The following MED14 variants were observed in gnomAD, a reference collection of about 807,000 sequenced individuals.
The protein encoded by MED14 is mediator complex subunit 14, also known as mediator of RNA polymerase II transcription subunit 14.
MED14 carries 8 observed loss-of-function variants against 109.0 expected under a neutral mutation model. That is an observed-to-expected ratio of 0.07 (90% confidence interval 0.04 to 0.13). The LOEUF is 0.13. MED14 is among the 10% of genes least tolerant of loss of function. The pLI, the probability that MED14 is intolerant of heterozygous loss-of-function variation, is 1.00. For synonymous variants in MED14, 399 were observed against 408.7 expected (o/e 0.98, Z 0.29); for missense variants, 711 against 1,142.4 (o/e 0.62, Z 5.44).
intron 16 of MED14, among the ~76,000 whole-genome samples, chrX:40,685,324 T>C (rs997189780): frequency 7.1e-5 from 8 of 111,943 alleles, no homozygotes; most frequent in African/African-American, 2.6e-4. Flanking sequence ...AACCCCACTA[T>C]GGCCCTGCAG....
chrX:40,675,260 A>G lies in MED14; in HGVS notation c.2982T>C (p.Asp994=). 3 of 1,193,949 alleles carry G rather than the reference A, an allele frequency of 2.5e-6. No homozygotes were observed. Among genetic ancestry groups the G allele is most frequent in the Non-Finnish European group, 3.4e-6 (3 of 887,782 alleles). Residue 994 remains aspartate, a synonymous_variant, in exon 22 of 31, where the codon GAT becomes GAC. Transcript: ENST00000324817. ...GTGGCTGGAGCTGCGATATTAAAGAATCCATCATATCTCCTCCTATAGGAG... is the reference window on the plus strand; with the variant it reads ...GTGGCTGGAGCTGCGATATTAAAGAGTCCATCATATCTCCTCCTATAGGAG... The part of the protein sequence containing the change: ...PPSPIGGDMM[D]SLISQLQPPP...
At chrX:40,690,564 G>A (rs184795823) in intron 15 of MED14, among the ~76,000 whole-genome samples, 25 of 111,090 alleles carry the variant, frequency 2.3e-4, no homozygotes, top group African/African-American at 7.5e-4. Flanking sequence ...ACAGGCGCCC[G>A]CTACCATGCC....
chrX:40,686,866 T>C (rs1204282122), intron 16 of MED14, among the ~76,000 whole-genome samples: 1 of 112,158 alleles, frequency 8.9e-6, no homozygotes, highest in African/African-American at 3.2e-5. Context: ...TTAGATGGTA[T>C]TCTGGCTTTG....
rs371780994 is a variant in MED14 at position 40,666,684 on chromosome X, C to T, written c.3265+36G>A. On this transcript the variant is annotated intron_variant, in intron 24 of 30. Transcript: ENST00000324817. ...CAACAAAAATTATTTTCACATCAAG[C>T]TCTTATGCTATATCGATTTCCATGT... is the stretch of plus-strand genomic sequence containing the variant. 3.3e-6 allele frequency: 4 copies of T among 1,194,531 alleles called. No homozygotes were observed. The African/African-American group carries it at 5.3e-5, about 16-fold the overall frequency.
At chrX:40,704,074 T>C (rs1931047225) in intron 10 of MED14, among the ~76,000 whole-genome samples, 3 of 112,092 alleles carry the variant, frequency 2.7e-5, no homozygotes, top group Admixed American at 9.5e-5. Context: ...ATAAATATTA[T>C]TGATTACCCA....
chrX:40,735,623 G>A (rs1932239633), upstream of MED14: 1 of 502,664 alleles, frequency 2.0e-6, no homozygotes, highest in Non-Finnish European at 3.6e-6. Flanking sequence ...GAGGGGCGGG[G>A]GGAGGCGGGG....
chrX:40,691,160 G>A (rs974105505), intron 15 of MED14, among the ~76,000 whole-genome samples: 3 of 112,320 alleles, frequency 2.7e-5, no homozygotes, highest in Admixed American at 9.4e-5. Context: ...TCCCTTTCAC[G>A]TTTGAGGATT....
intron 24 of MED14, among the ~76,000 whole-genome samples, chrX:40,666,331 A>T (rs1929478666): frequency 9.1e-6 from 1 of 110,215 alleles, no homozygotes; most frequent in South Asian, 4.0e-4. Flanking sequence ...TTCAAAAGTT[A>T]AAAAATTCAA....
chrX:40,652,762 C>T (rs771301166), intron 30 of MED14, among the ~76,000 whole-genome samples: 121 of 111,524 alleles, frequency 1.1e-3, no homozygotes, highest in Non-Finnish European at 1.0e-3. Context: ...TACTCTGCTT[C>T]TTGTAATTAT....
chrX:40,697,242 T>G, intron 12 of MED14, 59 bp from the exon 13 acceptor site: 6 of 694,745 alleles, frequency 8.6e-6, no homozygotes, highest in Non-Finnish European at 1.1e-5. Context: ...ATCTGTGCCC[T>G]ATCGATTTAC....
At chrX:40,727,181 G>A (rs1217277542) in intron 2 of MED14, among the ~76,000 whole-genome samples, 1 of 111,811 alleles carries the variant, frequency 8.9e-6, no homozygotes, top group Non-Finnish European at 1.9e-5. Context: ...CTTCACAGAA[G>A]GGATTAAATG....
At chrX:40,688,013 G>A (rs932257114) in intron 16 of MED14, among the ~76,000 whole-genome samples, 4 of 111,619 alleles carry the variant, frequency 3.6e-5, no homozygotes, top group South Asian at 3.8e-4. Context: ...CCAGGAGTTC[G>A]AGACCAGCCT....
At chrX:40,717,315 A>C (rs1931561731) in intron 3 of MED14, among the ~76,000 whole-genome samples, 1 of 110,492 alleles carries the variant, frequency 9.1e-6, no homozygotes, top group African/African-American at 3.3e-5. Context: ...CCTTTAGAAC[A>C]GTGCCTAGAA....
chrX:40,711,262 G>A lies in MED14; in HGVS notation c.929C>T (p.Ser310Phe). Residue 310 changes from serine to phenylalanine, a missense_variant, in exon 8 of 31, where the codon TCC becomes TTC. Physicochemically the swap from Ser to Phe is radical, Grantham distance 155. This residue lies in a region of MED14 where 388 missense variants were observed against 517.3 expected (regional missense o/e 0.75). Coordinates refer to ENST00000324817, the MANE Select transcript of MED14 (RefSeq NM_004229.4). ...TTCTCGGATTAACATTAGAGTTTGG[G>A]AATGTAACACTTCTAACTGAAGTGA... is the stretch of plus-strand genomic sequence containing the variant. ...CLSLQLEVLH[S>F]QTLMLIRERW... 8.3e-7 allele frequency: 1 copy of A among 1,203,178 alleles called. No individual in the cohort carries two copies. Among genetic ancestry groups the A allele is most frequent in the Non-Finnish European group, 1.1e-6 (1 of 888,187 alleles).
chrX:40,733,393 A>C (rs935315823), intron 1 of MED14, among the ~76,000 whole-genome samples: 1 of 111,813 alleles, frequency 8.9e-6, no homozygotes, highest in African/African-American at 3.3e-5. Flanking sequence ...ATAAGCCACC[A>C]CACCTGGCAA....
chrX:40,704,702 T>C (rs895411256), intron 10 of MED14, among the ~76,000 whole-genome samples: 1 of 112,222 alleles, frequency 8.9e-6, no homozygotes, highest in Non-Finnish European at 1.9e-5. Flanking sequence ...ATTGGTACTG[T>C]CTACACAAAT....
At chrX:40,726,374 G>GAAA in intron 3 of MED14, 3 of 86,678 alleles carry the variant, frequency 3.5e-5, no homozygotes, top group South Asian at 5.4e-4. Context: ...TGTAAAACTG[G>GAAA]AAAAAAAAAA....
rs765022200 is a variant in MED14, at chrX:40,662,918, C to A, written c.3684+7G>T. 8.5e-7 allele frequency: 1 copy of A among 1,181,436 alleles called. No individual in the cohort carries two copies. Among genetic ancestry groups the A allele is most frequent in the Non-Finnish European group, 1.1e-6 (1 of 869,609 alleles). On this transcript the variant is annotated splice_region_variant and intron_variant, in intron 26 of 30. Coordinates refer to ENST00000324817, the MANE Select transcript of MED14 (RefSeq NM_004229.4). ...TCACCACTTAGAAGGTCATTAGGTA[C>A]CCATACCGTTTCTTGTTGAATAATT...
At chrX:40,681,342 A>G (rs993725138) in intron 19 of MED14, among the ~76,000 whole-genome samples, 1 of 111,633 alleles carries the variant, frequency 9.0e-6, no homozygotes, top group African/African-American at 3.3e-5. Flanking sequence ...TACTTGACGT[A>G]GAAGTCTAGA....
Sources: allele counts gnomAD v4.1 joint callset (sites outside exome capture counted in the v4.1 genomes callset), GRCh38; gene constraint gnomAD v4.1.1; regional missense constraint gnomAD v4.1.1; transcripts MANE v1.5; gene names NCBI Gene and HGNC (gene_info 2026-07-23, HGNC 2026-07-21).